Variants in RASA3 observed in about 807,000 individuals in gnomAD.
The protein encoded by RASA3 is ras GTPase-activating protein 3.
Under a neutral mutation model 110.0 loss-of-function variants are expected in RASA3, and 73 were observed. That is an observed-to-expected ratio of 0.66 (90% CI 0.55 to 0.81). RASA3 has a LOEUF of 0.81. Ranked by LOEUF, RASA3 falls within the 30% of genes least tolerant of loss-of-function variation. The pLI is 0.00. For synonymous variants in RASA3, 500 were observed against 451.4 expected (o/e 1.11, Z -1.37); for missense variants, 976 against 1,113.2 (o/e 0.88, Z 1.75).
chr13:114,078,164 C>G (rs1407882147), intron 1 of RASA3, among the ~76,000 whole-genome samples: 1 of 152,228 alleles, frequency 6.6e-6, no homozygotes, highest in Non-Finnish European at 1.5e-5. Flanking sequence ...GTGCCACATG[C>G]ACCAGGACCG....
At position 114,056,634 on chromosome 13, in the gene RASA3, G is replaced by A. The variant is rs2139588128; in HGVS notation, c.174-4479C>T. On this transcript the variant is annotated intron_variant, in intron 2 of 23. Coordinates refer to ENST00000334062, the MANE Select transcript of RASA3 (RefSeq NM_007368.4). The surrounding 1 kb of genome is among the most constrained non-coding windows in gnomAD (Gnocchi z 5.7). ...CTGGCTGGGCACCTGGGAGGGTCCCGTGAGGCTTCTGGTGGTGCTGACAGC... is the reference window on the plus strand; with the variant it reads ...CTGGCTGGGCACCTGGGAGGGTCCCATGAGGCTTCTGGTGGTGCTGACAGC... 1.1e-5 allele frequency: 11 copies of A among 985,324 alleles called. No homozygotes were observed. The highest frequency in any genetic ancestry group is 1.1e-4 in the East Asian group (1 of 8,796). 61.0% of individuals were successfully genotyped at this position (985,324 alleles called of 1,614,324 possible).
rs572832901 is a variant in RASA3, at chr13:114,115,665, T to C, written c.55+16770A>G. On this transcript the variant is annotated intron_variant, in intron 1 of 23. Coordinates refer to ENST00000334062, the MANE Select transcript of RASA3 (RefSeq NM_007368.4). The surrounding 1 kb of genome is among the most constrained non-coding windows in gnomAD (Gnocchi z 5.0). The stretch of plus-strand genomic sequence containing the variant: ...TCCTCTCATAACACACAGCCTCCTG[T>C]GTATGTTTTTACCCTACAAACGCTC... 2.0e-5 allele frequency among the ~76,000 whole-genome samples: 3 copies of C among 152,144 alleles called. No homozygotes were observed. Among genetic ancestry groups the C allele is most frequent in the Admixed American group, 6.5e-5 (1 of 15,284 alleles).
chr13:114,027,388 C>A lies in RASA3; in HGVS notation c.603+1G>T. The stretch of plus-strand genomic sequence containing the variant: ...TAACGTTGACCCATGAAGATACCAA[C>A]CTCAAAATAAAACACTTCATCGAAC... On this transcript the variant is annotated splice_donor_variant, in intron 7 of 23. Coordinates refer to ENST00000334062, the MANE Select transcript of RASA3 (RefSeq NM_007368.4). LOFTEE classifies it high-confidence loss of function. 1 of 1,608,378 alleles carries A rather than the reference C, an allele frequency of 6.2e-7. No homozygotes were observed. Among genetic ancestry groups the A allele is most frequent in the Non-Finnish European group, 8.5e-7 (1 of 1,174,908 alleles).
intron 3 of RASA3, among the ~76,000 whole-genome samples, chr13:114,050,194 A>G (rs1374003704): frequency 6.6e-6 from 1 of 152,162 alleles, no homozygotes; most frequent in African/African-American, 2.4e-5. Context: ...GACACTGAGC[A>G]AGGGGGTGCA....
At chr13:114,069,896 A>G (rs180897319) in intron 2 of RASA3, among the ~76,000 whole-genome samples, 554 of 2,680 alleles carry the variant, frequency 0.21, 71 homozygotes, top group Admixed American at 0.33. Flanking sequence ...CGGGAGACTC[A>G]GGGGTCAGGA....
intron 1 of RASA3, among the ~76,000 whole-genome samples, chr13:114,098,984 T>C (rs1380551077): frequency 1.6e-5 from 2 of 127,422 alleles, no homozygotes; most frequent in Non-Finnish European, 3.4e-5. Context: ...ACCACAGCAG[T>C]CGGGGCCCGG....
rs9562171 is a variant in RASA3 at position 114,013,904 on chromosome 13, T to G, written c.1406-656A>C. ...TCTCTGTCTCTCTCTTTTTCTCTCT[T>G]TCTCTGTCTCTCTCTCTCCGTCTCT... On this transcript the variant is annotated intron_variant, in intron 14 of 23. Transcript: ENST00000334062. Among the ~76,000 whole-genome samples the G allele has an allele frequency of 3.1e-4, 15 of 47,818 alleles. 1 individual carries two copies. The highest frequency in any genetic ancestry group is 2.7e-3 in the East Asian group (4 of 1,456). The allele number at this position is 47,818 out of a possible 152,430, so 31.4% of individuals were successfully genotyped here.
intron 1 of RASA3, among the ~76,000 whole-genome samples, chr13:114,124,720 C>T (rs1399989996): frequency 2.0e-5 from 3 of 152,250 alleles, no homozygotes; most frequent in South Asian, 2.1e-4. Flanking sequence ...TGCGGCCTGA[C>T]GGAGCCGCTC....
intron 1 of RASA3, among the ~76,000 whole-genome samples, chr13:114,095,620 T>C (rs1005530868): frequency 6.6e-6 from 1 of 152,046 alleles, no homozygotes; most frequent in African/African-American, 2.4e-5. Flanking sequence ...GCACACACCT[T>C]CACATGCGTC....
intron 23 of RASA3, among the ~76,000 whole-genome samples, chr13:113,980,524 G>A (rs114713119): frequency 3.3e-5 from 5 of 151,502 alleles, no homozygotes; most frequent in African/African-American, 7.2e-5. Flanking sequence ...CCTCGTGTGC[G>A]CCTTCTACTA....
At chr13:114,030,030 C>T (rs2054117327) in intron 4 of RASA3, 143 bp from the exon 5 acceptor site, 2 of 706,436 alleles carry the variant, frequency 2.8e-6, no homozygotes, top group East Asian at 5.4e-5. Flanking sequence ...CCAGCCCCTC[C>T]ACTCCACCCC....
chr13:114,055,338 G>T (rs1443942151), intron 2 of RASA3, among the ~76,000 whole-genome samples: 1 of 152,206 alleles, frequency 6.6e-6, no homozygotes, highest in Non-Finnish European at 1.5e-5. Context: ...AAGGCGCAGG[G>T]GTCGTGACCC....
chr13:114,013,391 C>CTCTCTGTCTCCCTT, intron 14 of RASA3, 143 bp from the exon 15 acceptor site: 1 of 595,928 alleles, frequency 1.7e-6, no homozygotes, highest in East Asian at 2.9e-5. Flanking sequence ...CTCTCTCCCT[C>CTCTCTGTCTCCCTT]TCTCTGTTTC....
Position 114,057,549 on chromosome 13 carries a change from G to A in RASA3, c.174-5394C>T. The A allele has an allele frequency of 1.0e-6, 1 of 974,804 alleles. No homozygotes were observed. Among genetic ancestry groups the A allele is most frequent in the Non-Finnish European group, 1.2e-6 (1 of 820,264 alleles). The allele number at this position is 974,804 out of a possible 1,614,324, so 60.4% of individuals were successfully genotyped here. On this transcript the variant is annotated intron_variant, in intron 2 of 23. Transcript: ENST00000334062. This position sits in a 1 kb window ranked among gnomAD's most constrained non-coding sequence, Gnocchi z 5.0. ...TAGGGAATAAGAAGGGCGATTCCAGGGACAGTGGAGGCCCCCACAGGAAGG... is the reference window on the plus strand; with the variant it reads ...TAGGGAATAAGAAGGGCGATTCCAGAGACAGTGGAGGCCCCCACAGGAAGG...
rs74116493 is a variant in RASA3 at position 114,118,804 on chromosome 13, T to C, written c.55+13631A>G. On this transcript the variant is annotated intron_variant, in intron 1 of 23. Coordinates refer to ENST00000334062, the MANE Select transcript of RASA3 (RefSeq NM_007368.4). ...CTTCTCTGCTGAAAGTCAGCAGCTG[T>C]ATCCTGCCTGAAAAACACCAGCATT... Among the ~76,000 whole-genome samples, 1,436 of 152,338 alleles carry C rather than the reference T, an allele frequency of 9.4e-3. 22 individuals are homozygous for C. The highest frequency in any genetic ancestry group is 0.033 in the African/African-American group (1,362 of 41,572).
At position 114,041,180 on chromosome 13, in the gene RASA3, G is replaced by A. The variant is rs373000971; in HGVS notation, c.278-86C>T. The A allele has an allele frequency of 3.7e-5, 42 of 1,138,306 alleles. 1 individual carries two copies. The highest frequency in any genetic ancestry group is 3.7e-4 in the African/African-American group (24 of 65,606). The allele number at this position is 1,138,306 out of a possible 1,614,324, so 70.5% of individuals were successfully genotyped here. On this transcript the variant is annotated intron_variant, in intron 3 of 23. Transcript: ENST00000334062. ...GAGCAGAAGCCAGCCCATCATCACC[G>A]CAGCTTATTTCCAACAGTTTAATTC...
chr13:114,041,049 C>T lies in RASA3; in HGVS notation c.323G>A (p.Arg108Lys), dbSNP rs1156710919. The T allele has an allele frequency of 6.2e-7, 1 of 1,613,736 alleles. No individual in the cohort carries two copies. The highest frequency in any genetic ancestry group is 8.5e-7 in the Non-Finnish European group (1 of 1,180,044). The change falls in exon 4 of 24, where the codon AGG becomes AAG. Residue 108 changes from arginine to lysine, a missense_variant. Transcript: ENST00000334062. Reference sequence around the variant, plus strand: ...GTGCTGCAGCTGGAACCAGGTGTCCCTGTTGTGGTACTTCTGCAAGTCCTC... The same window carrying T: ...GTGCTGCAGCTGGAACCAGGTGTCCTTGTTGTGGTACTTCTGCAAGTCCTC... Reference protein sequence around the residue: ...QKEDLQKYHNRDTWFQLQHVD... With the variant: ...QKEDLQKYHNKDTWFQLQHVD...
chr13:114,093,321 G>A (rs918960290), intron 1 of RASA3, among the ~76,000 whole-genome samples: 1 of 152,168 alleles, frequency 6.6e-6, no homozygotes, highest in Non-Finnish European at 1.5e-5. Flanking sequence ...CTGAATGATA[G>A]CTTTGCTGGG....
rs1566474758 is a variant in RASA3, at chr13:114,011,363, G to A, written c.1513-115C>T. ...CTCAGAGCTGCTGTGGCTTGTGCATGAGCTACGGAGAAACAGGGGTAGCGA... is the reference window on the plus strand; with the variant it reads ...CTCAGAGCTGCTGTGGCTTGTGCATAAGCTACGGAGAAACAGGGGTAGCGA... On this transcript the variant is annotated intron_variant, in intron 15 of 23. Transcript: ENST00000334062. This position sits in a 1 kb window ranked among gnomAD's most constrained non-coding sequence, Gnocchi z 4.8. The A allele has an allele frequency of 1.1e-6, 1 of 903,692 alleles. No homozygotes were observed. The highest frequency in any genetic ancestry group is 1.6e-5 in the African/African-American group (1 of 61,294). The allele number at this position is 903,692 out of a possible 1,614,324, so 56.0% of individuals were successfully genotyped here. A position where few individuals can be genotyped will look rare whatever the true frequency, so the allele number is the denominator to read the frequency against.
Sources: gnomAD v4.1 joint callset for allele counts (sites outside exome capture counted in the v4.1 genomes callset) on GRCh38, gnomAD v4.1.1 for gene constraint, Gnocchi (gnomAD v3.1) non-coding constraint, MANE v1.5 for transcripts, NCBI Gene and HGNC (gene_info 2026-07-23, HGNC 2026-07-21) for gene names.